PARD3B: variants seen among roughly 807,000 people sequenced by gnomAD.
PARD3B encodes the protein par-3 family cell polarity regulator beta, also known as partitioning defective 3 homolog B.
Under a neutral mutation model 130.2 loss-of-function variants are expected in PARD3B, and 103 were observed. The ratio of observed to expected loss-of-function variants is 0.79; its 90% CI spans 0.67 to 0.93. The LOEUF is 0.93. Among genes scored for constraint, PARD3B ranks in the 40% least tolerant of loss-of-function variants. The probability of loss-of-function intolerance (pLI) is 0.00; values close to 1 mark genes in which losing one functional copy is unlikely to be tolerated. For synonymous variants in PARD3B, 583 were observed against 553.2 expected, an observed-to-expected ratio of 1.05 and a Z score of -0.76; for missense variants, 1,609 against 1,499.2, an observed-to-expected ratio of 1.07 and a Z score of -1.21.
intron 1 of PARD3B, among the ~76,000 whole-genome samples, chr2:204,582,004 G>A (rs2032581791): frequency 6.6e-6 from 1 of 152,152 alleles, no homozygotes; most frequent in Non-Finnish European, 1.5e-5. Flanking sequence ...ACTGTGATGT[G>A]TATTAATGGT....
chr2:205,451,659 T>A lies in PARD3B; in HGVS notation c.3044+10987T>A, dbSNP rs116813843. On this transcript the variant is annotated intron_variant, in intron 20 of 22. Coordinates refer to ENST00000406610, the MANE Select transcript of PARD3B (RefSeq NM_001302769.2). The stretch of plus-strand genomic sequence containing the variant: ...CCTGAACAACTTGTTTTACATTTTT[T>A]ATTTTTAATTTTTGTGATTATGTAA... 6.3e-3 allele frequency among the ~76,000 whole-genome samples: 950 copies of A among 151,022 alleles called. 9 individuals are homozygous for A. Among genetic ancestry groups the A allele is most frequent in the African/African-American group, 0.021 (859 of 41,022 alleles).
chr2:205,016,557 GAACCTC>G (rs1696165229), intron 3 of PARD3B, among the ~76,000 whole-genome samples: 1 of 152,120 alleles, frequency 6.6e-6, no homozygotes, highest in Non-Finnish European at 1.5e-5. Flanking sequence ...ACGTTAAGCA[GAACCTC>G]AACACATAAA....
At chr2:204,732,918 T>C (rs551075117) in intron 2 of PARD3B, among the ~76,000 whole-genome samples, 73 of 152,316 alleles carry the variant, frequency 4.8e-4, no homozygotes, top group African/African-American at 1.7e-3. Context: ...CAATTGGGGA[T>C]ACAAGTGGTA....
chr2:205,027,962 T>C (rs536607142), intron 3 of PARD3B, among the ~76,000 whole-genome samples: 1 of 152,280 alleles, frequency 6.6e-6, no homozygotes, highest in African/African-American at 2.4e-5. Flanking sequence ...GTTTTATTAC[T>C]GTGGCTATGT....
At chr2:204,787,091 C>T (rs1033564745) in intron 2 of PARD3B, among the ~76,000 whole-genome samples, 5 of 151,888 alleles carry the variant, frequency 3.3e-5, no homozygotes, top group African/African-American at 1.2e-4. Flanking sequence ...TTTATTGCAG[C>T]CTAGGAGTTA....
intron 3 of PARD3B, among the ~76,000 whole-genome samples, chr2:204,990,852 A>C (rs1487176923): frequency 6.6e-6 from 1 of 152,176 alleles, no homozygotes; most frequent in Non-Finnish European, 1.5e-5. Flanking sequence ...TTGTCTGTTT[A>C]AAAGTTTACT....
At chr2:204,603,461 T>C (rs537853412) in intron 1 of PARD3B, among the ~76,000 whole-genome samples, 2 of 152,134 alleles carry the variant, frequency 1.3e-5, no homozygotes, top group African/African-American at 2.4e-5. Flanking sequence ...AGAAGTAAAG[T>C]AATCCACAAA....
intron 20 of PARD3B, among the ~76,000 whole-genome samples, chr2:205,448,141 C>A (rs183753181): frequency 1.3e-5 from 2 of 152,288 alleles, no homozygotes; most frequent in Admixed American, 1.3e-4. Flanking sequence ...GCTGTTTTAG[C>A]CCCTTCTTAA....
At chr2:204,927,980 GC>G (rs757937542) in intron 2 of PARD3B, among the ~76,000 whole-genome samples, 3 of 152,088 alleles carry the variant, frequency 2.0e-5, no homozygotes, top group Non-Finnish European at 4.4e-5. Flanking sequence ...ATAAATAATT[GC>G]AAAATTGAGT....
chr2:205,601,247 C>T (rs1331881229), intron 22 of PARD3B, among the ~76,000 whole-genome samples: 1 of 152,120 alleles, frequency 6.6e-6, no homozygotes, highest in Non-Finnish European at 1.5e-5. Context: ...ATTTCTCTAA[C>T]AATCAATGAC....
intron 1 of PARD3B, among the ~76,000 whole-genome samples, chr2:204,592,983 A>G (rs1288409442): frequency 2.0e-5 from 3 of 152,228 alleles, no homozygotes; most frequent in Non-Finnish European, 2.9e-5. Flanking sequence ...GGCTGAATAA[A>G]TTCTATTGTA....
chr2:205,209,866 A>G (rs1255185825), intron 15 of PARD3B, among the ~76,000 whole-genome samples: 1 of 152,064 alleles, frequency 6.6e-6, no homozygotes, highest in Non-Finnish European at 1.5e-5. Flanking sequence ...ACTATAGTCA[A>G]TAATGATTTA....
intron 2 of PARD3B, among the ~76,000 whole-genome samples, chr2:204,912,164 T>C (rs2047261791): frequency 6.6e-6 from 1 of 152,190 alleles, no homozygotes; most frequent in Non-Finnish European, 1.5e-5. Context: ...GGAAGGGACA[T>C]GTAGGGTATT....
At chr2:205,010,090 A>G (rs983122266) in intron 3 of PARD3B, among the ~76,000 whole-genome samples, 1 of 152,192 alleles carries the variant, frequency 6.6e-6, no homozygotes, top group Non-Finnish European at 1.5e-5. Context: ...CAAGCAGGCA[A>G]TTTTAAACAA....
intron 2 of PARD3B, among the ~76,000 whole-genome samples, chr2:204,819,170 T>C (rs928583140): frequency 2.0e-5 from 3 of 152,202 alleles, no homozygotes; most frequent in Admixed American, 6.5e-5. Flanking sequence ...ATTGTAGATA[T>C]TGTGTTTTTT....
chr2:205,217,563 C>T (rs1018616397), intron 15 of PARD3B, among the ~76,000 whole-genome samples: 4 of 151,508 alleles, frequency 2.6e-5, no homozygotes, highest in Non-Finnish European at 5.9e-5. Flanking sequence ...AGGAGACACC[C>T]AGAGAGAAGA....
In PARD3B at chr2:205,414,944, T is replaced by TA. The variant is rs574937311; in HGVS notation, c.2741+13830dup. Among the ~76,000 whole-genome samples, 520 of 151,386 alleles carry TA rather than the reference T, an allele frequency of 3.4e-3. 6 individuals carry two copies. The highest frequency in any genetic ancestry group is 0.011 in the African/African-American group (443 of 41,352). On this transcript the variant is annotated intron_variant, in intron 19 of 22. Transcript: ENST00000406610. ...ATATTTTAGTGGGTTGACTTTGTTT[T>TA]AAAAAAAAACACAGAGTCAAGATAA... is the stretch of plus-strand genomic sequence containing the variant.
chr2:205,581,652 G>T (rs1013966267), intron 22 of PARD3B, among the ~76,000 whole-genome samples: 6 of 150,532 alleles, frequency 4.0e-5, no homozygotes, highest in African/African-American at 1.2e-4. Context: ...TTGAGGTGGT[G>T]GATACCTCAA....
rs151233745 is a variant in PARD3B at position 205,043,781 on chromosome 2, C to T, written c.395-3800C>T. Among the ~76,000 whole-genome samples, 585 of 151,884 alleles carry T rather than the reference C, an allele frequency of 3.9e-3. 2 individuals are homozygous for T. The highest frequency in any genetic ancestry group is 0.014 in the Middle Eastern group (4 of 294). ...CCCTCTGTTGTGCATTAGGACTTAC[C>T]TTTCTTTGTCTTTTTTTTAAATTTT... On this transcript the variant is annotated intron_variant, in intron 3 of 22. Transcript: ENST00000406610.
Sources: allele counts gnomAD v4.1 joint callset (sites outside exome capture counted in the v4.1 genomes callset), GRCh38; gene constraint gnomAD v4.1.1; transcripts MANE v1.5; gene names NCBI Gene and HGNC (gene_info 2026-07-23, HGNC 2026-07-21).